Variants in ADCY5 observed in about 807,000 individuals in gnomAD.
The protein encoded by ADCY5 is adenylate cyclase 5, also known as adenylate cyclase type 5.
A neutral mutation model predicts 119.7 loss-of-function variants in ADCY5; 30 were observed. That is an observed-to-expected ratio of 0.25 (90% CI 0.19 to 0.34). The LOEUF (loss-of-function observed/expected upper bound fraction) is 0.34, where lower values mean the gene tolerates loss of function less well. ADCY5 is among the 10% of genes least tolerant of loss of function. The probability of loss-of-function intolerance (pLI) is 1.00; values close to 1 mark genes in which losing one functional copy is unlikely to be tolerated. For missense variants in ADCY5, 1,324 were observed against 1,775.2 expected, an observed-to-expected ratio of 0.75 and a Z score of 4.57; for synonymous variants, 753 against 762.2, an observed-to-expected ratio of 0.99 and a Z score of 0.20.
At chr3:123,412,504 C>A (rs539475880) in intron 1 of ADCY5, among the ~76,000 whole-genome samples, 1 of 152,146 alleles carries the variant, frequency 6.6e-6, no homozygotes, top group African/African-American at 2.4e-5. Flanking sequence ...AGATTTCAAG[C>A]GTATGAAGAC....
intron 17 of ADCY5, among the ~76,000 whole-genome samples, 162 bp downstream of exon 17, chr3:123,295,921 AC>A (rs749039897): frequency 1.2e-4 from 18 of 152,302 alleles, no homozygotes; most frequent in Admixed American, 3.9e-4. Flanking sequence ...GAGCAGACCC[AC>A]GGGGACACAG....
In ADCY5 at chr3:123,367,864, A is replaced by T. The variant is rs943584327; in HGVS notation, c.1135-15283T>A. 6 of 1,519,432 alleles carry T rather than the reference A, an allele frequency of 3.9e-6. No individual in the cohort carries two copies. In the African/African-American group the frequency reaches 7.0e-5, roughly 18 times the overall value. The allele number at this position is 1,519,432 out of a possible 1,614,324, so 94.1% of individuals were successfully genotyped here. On this transcript the variant is annotated intron_variant, in intron 1 of 20. Transcript: ENST00000462833. ...CAGAATCCAGAAGAAAAAAAAAAAC[A>T]CCAAAGAGAAAATGAAACTGCCACC...
At chr3:123,355,971 A>T (rs997986249) in intron 1 of ADCY5, among the ~76,000 whole-genome samples, 1 of 152,248 alleles carries the variant, frequency 6.6e-6, no homozygotes, top group African/African-American at 2.4e-5. Flanking sequence ...AGAAATATAG[A>T]TATATGGAAT....
At chr3:123,390,236 A>G (rs1944364389) in intron 1 of ADCY5, among the ~76,000 whole-genome samples, 1 of 152,236 alleles carries the variant, frequency 6.6e-6, no homozygotes, top group South Asian at 2.1e-4. Context: ...AAATGGGGGA[A>G]GAAGAGGGAG....
intron 17 of ADCY5, among the ~76,000 whole-genome samples, chr3:123,291,743 A>C (rs1428620126): frequency 1.3e-5 from 2 of 152,126 alleles, no homozygotes; most frequent in Non-Finnish European, 2.9e-5. Context: ...AAAGGATCCA[A>C]AACACAGCCC....
intron 1 of ADCY5, among the ~76,000 whole-genome samples, chr3:123,402,466 A>C (rs1392223709): frequency 1.3e-5 from 2 of 152,224 alleles, no homozygotes; most frequent in East Asian, 1.9e-4. Flanking sequence ...CTGGAAGCCA[A>C]GGGGGCCCAG....
intron 1 of ADCY5, among the ~76,000 whole-genome samples, chr3:123,388,483 AG>A (rs1374669259): frequency 6.6e-6 from 1 of 152,146 alleles, no homozygotes; most frequent in Non-Finnish European, 1.5e-5. Flanking sequence ...GATGGGTTTA[AG>A]GTACCCCAGG....
intron 16 of ADCY5, among the ~76,000 whole-genome samples, chr3:123,296,707 G>C (rs780283774): frequency 5.7e-5 from 8 of 139,694 alleles, no homozygotes; most frequent in Non-Finnish European, 1.2e-4. Context: ...ATTTCAAGAT[G>C]GTAGTAAGGA....
intron 12 of ADCY5, among the ~76,000 whole-genome samples, chr3:123,313,012 G>C (rs1288930726): frequency 7.2e-6 from 1 of 139,358 alleles, no homozygotes; most frequent in African/African-American, 3.4e-5. Flanking sequence ...GACAGGCAGG[G>C]AACCAGCTAA....
chr3:123,414,949 C>T (rs1945151056), intron 1 of ADCY5, among the ~76,000 whole-genome samples: 1 of 152,172 alleles, frequency 6.6e-6, no homozygotes, highest in South Asian at 2.1e-4. Flanking sequence ...CAAGGTTGCA[C>T]AGGTAGTCAT....
At chr3:123,348,088 T>C (rs1223911852) in intron 2 of ADCY5, among the ~76,000 whole-genome samples, 185 bp from the exon 3 acceptor site, 3 of 151,710 alleles carry the variant, frequency 2.0e-5, no homozygotes, top group Non-Finnish European at 4.4e-5. Context: ...TGTATGTGTG[T>C]GCAGGATACC....
At chr3:123,368,121 G>A (rs1474585420) in intron 1 of ADCY5, 9 of 1,253,960 alleles carry the variant, frequency 7.2e-6, no homozygotes, top group Non-Finnish European at 9.6e-6. Flanking sequence ...GGCCAGTCTT[G>A]TGACTCGGAG....
rs4072922 is a variant in ADCY5 at position 123,303,664 on chromosome 3, A to T, written c.2559+403T>A. Among the ~76,000 whole-genome samples the T allele has an allele frequency of 3.7e-4, 56 of 152,266 alleles. No individual in the cohort carries two copies. In the East Asian group the frequency reaches 9.7e-3, roughly 26 times the overall value. On this transcript the variant is annotated intron_variant, in intron 13 of 20. Transcript: ENST00000462833. ...ATGGGGAAACCCCATCTCTAAAAAA[A>T]ACAGACAAAAATTAGCTGGGCGTGG...
Position 123,296,105 on chromosome 3 carries a change from G to C in ADCY5, c.3042C>G (p.Leu1014=). ...HAQQVESTAR[L]DFLWKLQATE... is the part of the protein sequence containing the mutation. ...CCACCTGCAGTTTCCAGAGGAAGTC[G>C]AGGCGGGCAGTGGACTCCACCTGCT... Residue 1014 remains leucine, a synonymous_variant, in exon 17 of 21, where the codon CTC becomes CTG. Transcript: ENST00000462833. 1 of 1,614,062 alleles carries C rather than the reference G, an allele frequency of 6.2e-7. No homozygotes were observed. The highest frequency in any genetic ancestry group is 8.5e-7 in the Non-Finnish European group (1 of 1,179,978).
At chr3:123,333,905 C>G (rs555476255) in intron 3 of ADCY5, among the ~76,000 whole-genome samples, 2 of 152,268 alleles carry the variant, frequency 1.3e-5, no homozygotes, top group Admixed American at 1.3e-4. Flanking sequence ...AAAAGAGACC[C>G]AGGGAGGAGA....
intron 1 of ADCY5, among the ~76,000 whole-genome samples, chr3:123,441,948 C>T (rs1421437475): frequency 3.4e-5 from 5 of 148,258 alleles, no homozygotes; most frequent in East Asian, 2.0e-4. Context: ...GAGATCTTCC[C>T]TGTCCTACAT....
At chr3:123,402,787 A>G (rs1328967010) in intron 1 of ADCY5, among the ~76,000 whole-genome samples, 1 of 148,972 alleles carries the variant, frequency 6.7e-6, no homozygotes, top group Non-Finnish European at 1.5e-5. Context: ...CGGGAGGCGG[A>G]GCTTGCAGTG....
At chr3:123,404,572 G>C (rs941089367) in intron 1 of ADCY5, 7 of 152,376 alleles carry the variant, frequency 4.6e-5, no homozygotes, top group Admixed American at 1.3e-4. Flanking sequence ...GTGTTCCAGA[G>C]AGAAGAATGT....
At chr3:123,436,467 A>C (rs961778056) in intron 1 of ADCY5, among the ~76,000 whole-genome samples, 1 of 152,166 alleles carries the variant, frequency 6.6e-6, no homozygotes, top group African/African-American at 2.4e-5. Context: ...GTACTTTGGG[A>C]GGCCAAGGTG....
Sources: gnomAD v4.1 joint callset for allele counts (sites outside exome capture counted in the v4.1 genomes callset) on GRCh38, gnomAD v4.1.1 for gene constraint, MANE v1.5 for transcripts, NCBI Gene and HGNC (gene_info 2026-07-23, HGNC 2026-07-21) for gene names.